The following NSD3 variants were observed in gnomAD, a reference collection of about 807,000 sequenced individuals.
NSD3 encodes the protein histone-lysine N-methyltransferase NSD3.
A neutral mutation model predicts 160.8 loss-of-function variants in NSD3; 24 were observed. The ratio of observed to expected loss-of-function variants is 0.15; its 90% CI spans 0.11 to 0.21. The LOEUF is 0.21. Ranked by LOEUF, NSD3 falls within the 10% of genes least tolerant of loss-of-function variation. The pLI, the probability that NSD3 is intolerant of heterozygous loss-of-function variation, is 1.00. For missense variants in NSD3, 1,157 were observed against 1,735.9 expected (o/e 0.67, Z 5.93); for synonymous variants, 520 against 600.0 (o/e 0.87, Z 1.95).
In NSD3 at chr8:38,316,116, A is replaced by G; in HGVS notation, c.1856-74T>C. On this transcript the variant is annotated intron_variant, in intron 9 of 23. Coordinates refer to ENST00000317025, the MANE Select transcript of NSD3 (RefSeq NM_023034.2). This position sits in a 1 kb window ranked among gnomAD's most constrained non-coding sequence, Gnocchi z 4.5. ...TTTTAATTTTTTTGTGTGTGGGAGA[A>G]TATTTTCTTTTCTCAAACTCATCTT... The G allele has an allele frequency of 1.3e-6, 2 of 1,567,948 alleles. No individual in the cohort carries two copies. The highest frequency in any genetic ancestry group is 1.7e-6 in the Non-Finnish European group (2 of 1,157,538).
At chr8:38,343,120 C>T (rs574437314) in intron 2 of NSD3, among the ~76,000 whole-genome samples, 1 of 151,708 alleles carries the variant, frequency 6.6e-6, no homozygotes, top group Non-Finnish European at 1.5e-5. Context: ...CGCTTGAACC[C>T]GGGAGGCAAG....
At chr8:38,313,787 CAAAA>C (rs547027189) in intron 12 of NSD3, among the ~76,000 whole-genome samples, 2 of 65,396 alleles carry the variant, frequency 3.1e-5, no homozygotes, top group Admixed American at 1.7e-4. Flanking sequence ...GACTCTGTCT[CAAAA>C]AAAAAAAAAA....
At chr8:38,280,110 GAAGA>G (rs1808698215) in intron 20 of NSD3, 1 of 155,920 alleles carries the variant, frequency 6.4e-6, no homozygotes, top group Admixed American at 6.3e-5. Flanking sequence ...AGGCCAGAAA[GAAGA>G]AAGAAAAATG....
rs73605061 is a variant in NSD3, at chr8:38,341,083, G to A, written c.676-2476C>T. 2.4e-3 allele frequency among the ~76,000 whole-genome samples: 358 copies of A among 152,178 alleles called. 3 individuals carry two copies. The highest frequency in any genetic ancestry group is 8.0e-3 in the African/African-American group (334 of 41,514). ...ATGCCTCAGAGTTCAAGGCTTCAAT[G>A]GGCTATGACTGCACTCCAGCCTGGG... On this transcript the variant is annotated intron_variant, in intron 2 of 23. Transcript: ENST00000317025.
chr8:38,303,248 T>G, intron 14 of NSD3: 5 of 985,394 alleles, frequency 5.1e-6, no homozygotes, highest in Non-Finnish European at 6.0e-6. Context: ...CTTCTAATCA[T>G]TACTTTCTTA....
In NSD3 at chr8:38,299,461, T is replaced by C. The variant is rs1445375804; in HGVS notation, c.2741A>G (p.Lys914Arg). The C allele has an allele frequency of 3.7e-6, 6 of 1,610,476 alleles. No individual in the cohort carries two copies. Among genetic ancestry groups the C allele is most frequent in the South Asian group, 2.2e-5 (2 of 89,802 alleles). The change falls in exon 15 of 24, where the codon AAA (lysine) becomes AGA (arginine). Residue 914 changes from lysine to arginine, a missense_variant. Lys to Arg is a conservative substitution (Grantham distance 26). Around this residue, in one of 10 missense-constraint regions of NSD3, gnomAD observed 437 missense variants for 576.6 expected, o/e 0.76. Transcript: ENST00000317025. ...LPMIPSSSAS[K>R]KKCEKGGRLL... Reference sequence around the variant, plus strand: ...ATTATTACCTTTCTCACATTTCTTTTTGGAAGCTGACGAAGAAGGAATCAT... The same window carrying C: ...ATTATTACCTTTCTCACATTTCTTTCTGGAAGCTGACGAAGAAGGAATCAT...
At chr8:38,322,830 T>G (rs180677305) in intron 7 of NSD3, among the ~76,000 whole-genome samples, 2 of 152,304 alleles carry the variant, frequency 1.3e-5, no homozygotes, top group Non-Finnish European at 2.9e-5. Flanking sequence ...AAGAAAAGGC[T>G]CAATAATTTC....
chr8:38,349,203 T>G (rs1323489588), intron 1 of NSD3, among the ~76,000 whole-genome samples: 1 of 152,238 alleles, frequency 6.6e-6, no homozygotes, highest in African/African-American at 2.4e-5. Flanking sequence ...ACATATTCAT[T>G]CTTTAAATGG....
chr8:38,348,150 T>G lies in NSD3; in HGVS notation c.22A>C (p.Met8Leu), dbSNP rs754588835. 10 of 1,595,282 alleles carry G rather than the reference T, an allele frequency of 6.3e-6. No homozygotes were observed. The highest frequency in any genetic ancestry group is 8.5e-6 in the Non-Finnish European group (10 of 1,170,336). Residue 8 changes from methionine to leucine, a missense_variant, in exon 2 of 24, where the codon ATG becomes CTG. This residue lies in a region of NSD3 where 121 missense variants were observed against 177.2 expected (regional missense o/e 0.68). Coordinates refer to ENST00000317025, the MANE Select transcript of NSD3 (RefSeq NM_023034.2). ...ATTGTGTTTCCCATGATCCCTTGCA[T>G]GAAAGAGAAAGAGAAATCCATTGTT... MDFSFSF[M>L]QGIMGNTIQQ... is the part of the protein sequence containing the mutation.
intron 1 of NSD3, among the ~76,000 whole-genome samples, chr8:38,375,830 A>C (rs1417033834): frequency 1.3e-5 from 2 of 152,062 alleles, no homozygotes; most frequent in Non-Finnish European, 2.9e-5. Flanking sequence ...AGTAAAACTA[A>C]AAACAGAATT....
At chr8:38,286,061 C>T (rs577189028) in intron 19 of NSD3, among the ~76,000 whole-genome samples, 1 of 152,280 alleles carries the variant, frequency 6.6e-6, no homozygotes, top group South Asian at 2.1e-4. Flanking sequence ...ATTTTGTCGC[C>T]TCCTCCCCTT....
In NSD3 at chr8:38,290,643, C is replaced by T; in HGVS notation, c.2950G>A (p.Val984Met). 1 of 1,613,930 alleles carries T rather than the reference C, an allele frequency of 6.2e-7. No individual in the cohort carries two copies. The highest frequency in any genetic ancestry group is 8.5e-7 in the Non-Finnish European group (1 of 1,179,868). The change falls in exon 17 of 24, where the codon GTG becomes ATG. Residue 984 changes from valine (V) to methionine (M), a missense_variant. Around this residue, in one of 10 missense-constraint regions of NSD3, gnomAD observed 437 missense variants for 576.6 expected, o/e 0.76. Coordinates refer to ENST00000317025, the MANE Select transcript of NSD3 (RefSeq NM_023034.2). ...WPAEICNPRSVPLNIQGLKHD... is the reference protein window; with the variant it reads ...WPAEICNPRSMPLNIQGLKHD... ...TTAAGGCCCTGGATGTTCAGTGGCACAGACCTGGGGTTGCAGATCTCTGCT... is the reference window on the plus strand; with the variant it reads ...TTAAGGCCCTGGATGTTCAGTGGCATAGACCTGGGGTTGCAGATCTCTGCT...
At chr8:38,315,571 G>T (rs757244195) in intron 10 of NSD3, 27 bp from the exon 11 acceptor site, 4 of 1,609,362 alleles carry the variant, frequency 2.5e-6, no homozygotes, top group South Asian at 1.1e-5. Flanking sequence ...GCATTTTTAA[G>T]AAAAACAAAA....
At chr8:38,312,910 G>A (rs1193573363) in intron 12 of NSD3, among the ~76,000 whole-genome samples, 1 of 152,150 alleles carries the variant, frequency 6.6e-6, no homozygotes, top group Non-Finnish European at 1.5e-5. Flanking sequence ...TGCTTAAAGG[G>A]GCCAGGCAGC....
chr8:38,352,106 TTAA>T (rs1359107688), intron 1 of NSD3, among the ~76,000 whole-genome samples: 5 of 151,976 alleles, frequency 3.3e-5, no homozygotes, highest in Non-Finnish European at 4.4e-5. Flanking sequence ...TATTAATAGA[TTAA>T]TAATAGACTG....
At chr8:38,298,674 C>G (rs1387025079) in intron 15 of NSD3, among the ~76,000 whole-genome samples, 1 of 152,120 alleles carries the variant, frequency 6.6e-6, no homozygotes. Context: ...ATTTATTTTT[C>G]CCAGTGGGAT....
At chr8:38,362,203 C>A (rs1810983404) in intron 1 of NSD3, among the ~76,000 whole-genome samples, 2 of 122,810 alleles carry the variant, frequency 1.6e-5, no homozygotes, top group African/African-American at 3.2e-5. Context: ...TAGTGCCTGG[C>A]ACATTATCAA....
chr8:38,332,819 A>T (rs1447807864), intron 4 of NSD3, among the ~76,000 whole-genome samples: 1 of 152,178 alleles, frequency 6.6e-6, no homozygotes, highest in Non-Finnish European at 1.5e-5. Context: ...AGTAAAAAAA[A>T]ACTGATCTTT....
chr8:38,342,753 G>A (rs1336002866), intron 2 of NSD3, among the ~76,000 whole-genome samples: 34 of 151,496 alleles, frequency 2.2e-4, no homozygotes, highest in Admixed American at 2.2e-3. Flanking sequence ...TAGAGATGGG[G>A]TTTCACCATG....
Sources: gnomAD v4.1 joint callset for allele counts (sites outside exome capture counted in the v4.1 genomes callset) on GRCh38, gnomAD v4.1.1 for gene constraint, gnomAD v4.1.1 regional missense constraint, Gnocchi (gnomAD v3.1) non-coding constraint, MANE v1.5 for transcripts, NCBI Gene and HGNC (gene_info 2026-07-23, HGNC 2026-07-21) for gene names.